NPAS3: variants seen among roughly 807,000 people sequenced by gnomAD.
NPAS3 encodes the protein neuronal PAS domain protein 3, also known as neuronal PAS domain-containing protein 3.
Under a neutral mutation model 73.1 loss-of-function variants are expected in NPAS3, and 14 were observed. The observed-to-expected ratio is 0.19, with a 90% CI of 0.13 to 0.30. The LOEUF (loss-of-function observed/expected upper bound fraction) is 0.30, where lower values mean the gene tolerates loss of function less well. NPAS3 is among the 10% of genes least tolerant of loss of function. The pLI is 1.00. For missense variants in NPAS3, 1,096 were observed against 1,250.0 expected (o/e 0.88, Z 1.86); for synonymous variants, 620 against 541.5 (o/e 1.14, Z -2.01).
chr14:33,675,859 A>G (rs1323215625), intron 5 of NPAS3, among the ~76,000 whole-genome samples: 4 of 152,186 alleles, frequency 2.6e-5, no homozygotes, highest in African/African-American at 9.7e-5. Flanking sequence ...AATTCAGTCA[A>G]TCATGTGGTT....
intron 5 of NPAS3, among the ~76,000 whole-genome samples, chr14:33,603,282 A>C (rs2057456508): frequency 6.6e-6 from 1 of 152,210 alleles, no homozygotes. Flanking sequence ...TACCAGTAGA[A>C]ACTATGCAAA....
rs2060868680 is a variant in NPAS3, at chr14:33,713,152, C to A, written c.734-22062C>A. Among the ~76,000 whole-genome samples, 3 of 152,198 alleles carry A rather than the reference C, an allele frequency of 2.0e-5. No individual in the cohort carries two copies. The South Asian group carries it at 6.2e-4, about 32-fold the overall frequency. ...CATTTTATCATCTACTATCTGCCAACAGAGATTAGTTCAATTCTGTTATCA... is the reference window on the plus strand; with the variant it reads ...CATTTTATCATCTACTATCTGCCAAAAGAGATTAGTTCAATTCTGTTATCA... On this transcript the variant is annotated intron_variant, in intron 6 of 11. Coordinates refer to ENST00000356141, the Ensembl canonical transcript of NPAS3.
At chr14:33,699,189 C>T (rs1017313492) in intron 6 of NPAS3, among the ~76,000 whole-genome samples, 3 of 151,942 alleles carry the variant, frequency 2.0e-5, no homozygotes, top group African/African-American at 4.8e-5. Context: ...TTCATTTTAA[C>T]GTTTTTAATT....
rs1359200633 is a variant in NPAS3 at position 33,676,196 on chromosome 14, T to G, written c.559-15T>G. On this transcript the variant is annotated splice_polypyrimidine_tract_variant and intron_variant, in intron 5 of 11. Transcript: ENST00000356141. ...TATAATGTCTTTCCTTCCCACCCTT[T>G]CTCTCGCCCTCTAGGTGGAGCTGAC... 1 of 1,613,004 alleles carries G rather than the reference T, an allele frequency of 6.2e-7. No individual in the cohort carries two copies. The highest frequency in any genetic ancestry group is 8.5e-7 in the Non-Finnish European group (1 of 1,179,472).
At chr14:33,761,039 T>C (rs971845794) in intron 7 of NPAS3, among the ~76,000 whole-genome samples, 2 of 152,208 alleles carry the variant, frequency 1.3e-5, no homozygotes, top group Non-Finnish European at 2.9e-5. Flanking sequence ...AAGGTAATGA[T>C]AGAGCTACCA....
At chr14:33,507,041 G>C (rs1045583177) in intron 4 of NPAS3, among the ~76,000 whole-genome samples, 2 of 151,876 alleles carry the variant, frequency 1.3e-5, no homozygotes, top group Admixed American at 1.3e-4. Flanking sequence ...ATTGCTCCAT[G>C]AGGAGTGACG....
At chr14:33,384,191 A>C (rs1434180442) in intron 4 of NPAS3, among the ~76,000 whole-genome samples, 1 of 152,150 alleles carries the variant, frequency 6.6e-6, no homozygotes, top group Admixed American at 6.6e-5. Flanking sequence ...TTTAATAGCT[A>C]ATAAAGGAGG....
At chr14:33,656,148 G>C (rs2059139699) in intron 5 of NPAS3, among the ~76,000 whole-genome samples, 1 of 152,154 alleles carries the variant, frequency 6.6e-6, no homozygotes, top group South Asian at 2.1e-4. Context: ...AAAGCATTGT[G>C]TTTGAGGTAC....
At chr14:33,140,592 C>A (rs1224419496) in intron 2 of NPAS3, among the ~76,000 whole-genome samples, 1 of 152,124 alleles carries the variant, frequency 6.6e-6, no homozygotes, top group African/African-American at 2.4e-5. Flanking sequence ...GCATGCTTCA[C>A]CGTGTCATTT....
chr14:33,542,019 T>C (rs113182956), intron 4 of NPAS3, among the ~76,000 whole-genome samples: 23 of 152,272 alleles, frequency 1.5e-4, no homozygotes, highest in African/African-American at 4.8e-4. Context: ...CCTATTTGAC[T>C]CTCACCCTGA....
At chr14:33,120,159 C>T (rs780901122) in intron 2 of NPAS3, among the ~76,000 whole-genome samples, 1 of 152,090 alleles carries the variant, frequency 6.6e-6, no homozygotes, top group African/African-American at 2.4e-5. Flanking sequence ...TGGGGTTTCA[C>T]CATCTTGACC....
intron 1 of NPAS3, among the ~76,000 whole-genome samples, chr14:32,992,173 A>G (rs976491102): frequency 6.6e-6 from 1 of 152,064 alleles, no homozygotes; most frequent in African/African-American, 2.4e-5. Flanking sequence ...CTGTTAACCA[A>G]AGCTGCTCCT....
At chr14:33,348,969 G>T (rs766093156) in intron 3 of NPAS3, among the ~76,000 whole-genome samples, 10 of 152,230 alleles carry the variant, frequency 6.6e-5, no homozygotes, top group Non-Finnish European at 1.0e-4. Context: ...TTTTGCCCTT[G>T]CCAGGGTCCT....
chr14:33,685,743 A>G (rs907543303), intron 6 of NPAS3, among the ~76,000 whole-genome samples: 3 of 152,264 alleles, frequency 2.0e-5, no homozygotes, highest in Admixed American at 6.5e-5. Context: ...ATATATTAAT[A>G]GCTTTCATTA....
intron 2 of NPAS3, among the ~76,000 whole-genome samples, chr14:33,168,711 T>G (rs1401605096): frequency 5.3e-5 from 8 of 152,146 alleles, no homozygotes; most frequent in Admixed American, 2.6e-4. Flanking sequence ...CTCTACTAGC[T>G]TCCTTTTTCC....
intron 3 of NPAS3, among the ~76,000 whole-genome samples, chr14:33,351,319 G>T (rs1277488741): frequency 6.6e-6 from 1 of 152,110 alleles, no homozygotes; most frequent in Non-Finnish European, 1.5e-5. Flanking sequence ...TGACATGACC[G>T]ATGAGGACTG....
At chr14:33,077,812 A>G (rs1422950903) in intron 2 of NPAS3, among the ~76,000 whole-genome samples, 1 of 54,626 alleles carries the variant, frequency 1.8e-5, no homozygotes, top group Admixed American at 2.5e-4. Flanking sequence ...TTCAATTTAT[A>G]TGAAATAGAT....
At chr14:33,428,759 A>G (rs1247347696) in intron 4 of NPAS3, among the ~76,000 whole-genome samples, 1 of 152,154 alleles carries the variant, frequency 6.6e-6, no homozygotes, top group Admixed American at 6.6e-5. Flanking sequence ...CTTTCTTCAA[A>G]TCCCTTGAGT....
intron 5 of NPAS3, among the ~76,000 whole-genome samples, chr14:33,566,442 C>A (rs1002505201): frequency 8.6e-5 from 13 of 152,024 alleles, no homozygotes; most frequent in Admixed American, 6.5e-5. Flanking sequence ...CTCGTTCTTC[C>A]CCCCTTTTCC....
Sources: gnomAD v4.1 joint callset for allele counts (sites outside exome capture counted in the v4.1 genomes callset) on GRCh38, gnomAD v4.1.1 for gene constraint, MANE v1.5 for transcripts, NCBI Gene and HGNC (gene_info 2026-07-23, HGNC 2026-07-21) for gene names.